The following CDCA2 variants were observed in gnomAD, a reference collection of about 807,000 sequenced individuals.
CDCA2 encodes cell division cycle-associated protein 2.
In CDCA2, 44 loss-of-function variants were observed where a neutral mutation model predicts 67.0. The observed-to-expected ratio is 0.66, with a 90% confidence interval of 0.52 to 0.84. The LOEUF is 0.84. Ranked by LOEUF, CDCA2 falls within the 40% of genes least tolerant of loss-of-function variation. CDCA2 has a pLI of 0.00. For synonymous variants in CDCA2, 447 were observed against 418.7 expected (o/e 1.07, Z -0.82); for missense variants, 1,253 against 1,203.2 (o/e 1.04, Z -0.61).
At chr8:25,506,416 AAAAC>A (rs1563287973) in intron 14 of CDCA2, 90 bp from the exon 15 acceptor site, 2 of 1,235,460 alleles carry the variant, frequency 1.6e-6, no homozygotes, top group African/African-American at 1.5e-5. Flanking sequence ...TTAAAACACA[AAAAC>A]AAAACAGGTC....
intron 8 of CDCA2, among the ~76,000 whole-genome samples, chr8:25,481,884 A>G (rs1251798324): frequency 6.6e-6 from 1 of 152,226 alleles, no homozygotes; most frequent in African/African-American, 2.4e-5. Flanking sequence ...CCTGGTCAGA[A>G]AAATGAACTG....
At chr8:25,493,066 C>G (rs1259507930) in intron 13 of CDCA2, among the ~76,000 whole-genome samples, 1 of 152,122 alleles carries the variant, frequency 6.6e-6, no homozygotes, top group Non-Finnish European at 1.5e-5. Flanking sequence ...ATGCTCAACT[C>G]TTAGAACAGT....
rs1804548145 is a variant in CDCA2 at position 25,503,357 on chromosome 8, T to C, written c.1672-16T>C. 1 of 1,594,710 alleles carries C rather than the reference T, an allele frequency of 6.3e-7. No individual in the cohort carries two copies. The highest frequency in any genetic ancestry group is 1.1e-5 in the South Asian group (1 of 90,664). On this transcript the variant is annotated splice_polypyrimidine_tract_variant and intron_variant, in intron 13 of 14. Coordinates refer to ENST00000330560, the MANE Select transcript of CDCA2 (RefSeq NM_152562.4). ...TACATCTTTCTCAATTGCAATGTTT[T>C]AATGCATTTTCTCAGGTTTTAAAAA...
chr8:25,493,502 C>A (rs1477545203), intron 13 of CDCA2, among the ~76,000 whole-genome samples: 1 of 152,136 alleles, frequency 6.6e-6, no homozygotes, highest in African/African-American at 2.4e-5. Flanking sequence ...AGACAAAGAA[C>A]AAGCTTGGGA....
chr8:25,496,469 A>T (rs1055592886), intron 13 of CDCA2, among the ~76,000 whole-genome samples: 1 of 152,200 alleles, frequency 6.6e-6, no homozygotes, highest in Non-Finnish European at 1.5e-5. Context: ...TAAAAGGCTG[A>T]TGTGACATAG....
chr8:25,462,278 A>C, intron 4 of CDCA2, 70 bp downstream of exon 4: 2 of 1,470,010 alleles, frequency 1.4e-6, no homozygotes, highest in Non-Finnish European at 1.9e-6. Context: ...TACACCTTCT[A>C]GTGCATCTGC....
chr8:25,485,801 TCTC>T lies in CDCA2; in HGVS notation c.1411_1413del (p.Pro471del), dbSNP rs759478734. 1.8e-4 allele frequency: 286 copies of T among 1,607,666 alleles called. No homozygotes were observed. The highest frequency in any genetic ancestry group is 2.3e-4 in the Non-Finnish European group (270 of 1,176,612). On this transcript the variant is annotated inframe_deletion, in exon 11 of 15. Coordinates refer to ENST00000330560, the MANE Select transcript of CDCA2 (RefSeq NM_152562.4). ...TCAAGTATCATTTGCCGTTCTCAGT[TCTC>T]CTAATAAATCATCAATCTCTGAGAC...
chr8:25,464,966 C>T (rs1011245822), intron 4 of CDCA2, among the ~76,000 whole-genome samples: 1 of 152,062 alleles, frequency 6.6e-6, no homozygotes, highest in African/African-American at 2.4e-5. Context: ...TGCTTTTTCT[C>T]CCTGTGATAT....
chr8:25,487,508 G>A (rs570255056), intron 12 of CDCA2, among the ~76,000 whole-genome samples, 174 bp downstream of exon 12: 61 of 152,298 alleles, frequency 4.0e-4, no homozygotes, highest in African/African-American at 1.2e-3. Context: ...TTGGGAGGCC[G>A]AGGCAGGCGG....
chr8:25,462,098 G>T lies in CDCA2; in HGVS notation c.277G>T (p.Val93Phe), dbSNP rs750957761. The T allele has an allele frequency of 1.9e-6, 3 of 1,614,074 alleles. No homozygotes were observed. Among genetic ancestry groups the T allele is most frequent in the Non-Finnish European group, 2.5e-6 (3 of 1,180,014 alleles). ...YLKKCRRRSA[V>F]GARGSPETNH... is the part of the protein sequence containing the mutation. ...TAAAAAATGTAGACGACGTTCTGCAGTCGGTGCTCGGGGCTCTCCTGAAAC... is the reference window on the plus strand; with the variant it reads ...TAAAAAATGTAGACGACGTTCTGCATTCGGTGCTCGGGGCTCTCCTGAAAC... Residue 93 changes from valine to phenylalanine, a missense_variant, in exon 4 of 15, where the codon GTC (valine) becomes TTC (phenylalanine). Val to Phe is a conservative substitution (Grantham distance 50). Coordinates refer to ENST00000330560, the MANE Select transcript of CDCA2 (RefSeq NM_152562.4).
At chr8:25,478,342 G>C (rs1010356433) in intron 7 of CDCA2, among the ~76,000 whole-genome samples, 5 of 152,032 alleles carry the variant, frequency 3.3e-5, no homozygotes, top group Non-Finnish European at 7.4e-5. Context: ...TATCAGTGTG[G>C]TCCAGGCCAT....
intron 8 of CDCA2, among the ~76,000 whole-genome samples, chr8:25,480,808 ATC>A (rs1586493169): frequency 6.6e-6 from 1 of 152,216 alleles, no homozygotes; most frequent in Non-Finnish European, 1.5e-5. Context: ...CAAGTTTCAG[ATC>A]TTGACTTGGA....
chr8:25,503,515 C>G lies in CDCA2; in HGVS notation c.1814C>G (p.Ser605Cys), dbSNP rs114350656. The change falls in exon 14 of 15, where the codon TCC (serine) becomes TGC (cysteine). Residue 605 changes from serine (S) to cysteine (C), a missense_variant. Ser to Cys is a moderately radical substitution (Grantham distance 112). Coordinates refer to ENST00000330560, the MANE Select transcript of CDCA2 (RefSeq NM_152562.4). ...ELPEVPEMTP[S>C]IPSIRRLGSG... ...CCTGAAGTCCCTGAGATGACACCTT[C>G]CATTCCGAGCATCCGAAGACTGGGT... 10 of 1,611,594 alleles carry G rather than the reference C, an allele frequency of 6.2e-6. No homozygotes were observed. The highest frequency in any genetic ancestry group is 1.7e-5 in the Admixed American group (1 of 59,376).
intron 6 of CDCA2, 90 bp downstream of exon 6, chr8:25,468,503 A>T: frequency 1.0e-6 from 1 of 985,402 alleles, no homozygotes; most frequent in Non-Finnish European, 1.5e-6. Context: ...CTTCAATTTT[A>T]GTACCTTGTT....
chr8:25,494,913 G>C (rs938120196), intron 13 of CDCA2, among the ~76,000 whole-genome samples: 1 of 151,942 alleles, frequency 6.6e-6, no homozygotes, highest in Non-Finnish European at 1.5e-5. Context: ...GACACAGCAA[G>C]AAGGTGGCCA....
In CDCA2 at chr8:25,507,570, C is replaced by A. The variant is rs145926305; in HGVS notation, c.2904C>A (p.Ser968=). The change falls in exon 15 of 15, where the codon TCC becomes TCA. Residue 968 remains serine, a synonymous_variant. Transcript: ENST00000330560. The part of the protein sequence containing the change: ...ENSQGPAAGS[S]DEPGKRRKSF... ...GCCAGGGCCCTGCTGCTGGTTCTTCCGATGAACCTGGTAAGAGGAGGAAGA... is the reference window on the plus strand; with the variant it reads ...GCCAGGGCCCTGCTGCTGGTTCTTCAGATGAACCTGGTAAGAGGAGGAAGA... 171 of 1,614,042 alleles carry A rather than the reference C, an allele frequency of 1.1e-4. No individual in the cohort carries two copies. Among genetic ancestry groups the A allele is most frequent in the Non-Finnish European group, 1.4e-4 (161 of 1,180,036 alleles).
intron 13 of CDCA2, 57 bp from the exon 14 acceptor site, chr8:25,503,316 A>C (rs1227726013): frequency 5.0e-6 from 7 of 1,394,764 alleles, no homozygotes; most frequent in African/African-American, 1.4e-5. Context: ...TAAAGGGTCA[A>C]AATTTTACAT....
intron 6 of CDCA2, 134 bp downstream of exon 6, chr8:25,468,547 G>GTGTGTC (rs1341538048): frequency 3.8e-6 from 2 of 519,714 alleles, no homozygotes; most frequent in East Asian, 6.2e-5. Flanking sequence ...GTGTGTGTGT[G>GTGTGTC]TGTGTGTGTG....
In CDCA2 at chr8:25,507,154, A is replaced by G. The variant is rs763702891; in HGVS notation, c.2488A>G (p.Arg830Gly). The change falls in exon 15 of 15, where the codon AGA becomes GGA. Residue 830 changes from arginine (R) to glycine (G), a missense_variant. Physicochemically the swap from Arg to Gly is moderately radical, Grantham distance 125 (BLOSUM62 -2). Coordinates refer to ENST00000330560, the MANE Select transcript of CDCA2 (RefSeq NM_152562.4). ...TGTGAGTTGCAGAGACAGGAAAGATAGAAGACGTTCCATGTGTTATTCTGA... is the reference window on the plus strand; with the variant it reads ...TGTGAGTTGCAGAGACAGGAAAGATGGAAGACGTTCCATGTGTTATTCTGA... ...SVVSCRDRKD[R>G]RRSMCYSDGR... The G allele has an allele frequency of 1.2e-6, 2 of 1,614,230 alleles. No homozygotes were observed. Among genetic ancestry groups the G allele is most frequent in the South Asian group, 1.1e-5 (1 of 91,090 alleles).
Sources: gnomAD v4.1 joint callset for allele counts (sites outside exome capture counted in the v4.1 genomes callset) on GRCh38, gnomAD v4.1.1 for gene constraint, MANE v1.5 for transcripts, NCBI Gene and HGNC (gene_info 2026-07-23, HGNC 2026-07-21) for gene names.